The following ZFP64 variants were observed in gnomAD, a reference collection of about 807,000 sequenced individuals.
The protein encoded by ZFP64 is zinc finger protein 64.
In ZFP64, 14 loss-of-function variants were observed where a neutral mutation model predicts 51.6. The observed-to-expected ratio is 0.27, with a 90% CI of 0.18 to 0.42. ZFP64 has a LOEUF of 0.42. ZFP64 is among the 10% of genes least tolerant of loss of function. The probability of loss-of-function intolerance (pLI) is 1.00; values close to 1 mark genes in which losing one functional copy is unlikely to be tolerated. For missense variants in ZFP64, 754 were observed against 906.8 expected (o/e 0.83, Z 2.16); for synonymous variants, 375 against 361.4 (o/e 1.04, Z -0.43).
Position 52,152,069 on chromosome 20 carries a change from G to A in ZFP64, c.*77C>T, listed in dbSNP as rs1308322620. 6.6e-7 allele frequency: 1 copy of A among 1,522,348 alleles called. No individual in the cohort carries two copies. The highest frequency in any genetic ancestry group is 8.8e-7 in the Non-Finnish European group (1 of 1,137,518). 94.3% of individuals were successfully genotyped at this position (1,522,348 alleles called of 1,614,324 possible). On this transcript the variant is annotated 3_prime_UTR_variant, in exon 6 of 6. Transcript: ENST00000216923. ...AAACAAAACAAAGAAAACATTAAGA[G>A]CAAACCTTTTAGAGAATTCTACTTA...
intron 5 of ZFP64, among the ~76,000 whole-genome samples, chr20:52,159,482 A>G (rs775541244): frequency 3.3e-5 from 5 of 152,234 alleles, no homozygotes; most frequent in African/African-American, 4.8e-5. Context: ...AGAGATATAC[A>G]TATGTATAAA....
At chr20:52,140,016 T>C (rs1454963532) in intron 5 of ZFP64, among the ~76,000 whole-genome samples, 1 of 152,100 alleles carries the variant, frequency 6.6e-6, no homozygotes, top group East Asian at 1.9e-4. Context: ...TATGGTGATC[T>C]GTGATTGGTG....
chr20:52,104,663 C>T (rs1399392169), intron 5 of ZFP64: 1 of 471,952 alleles, frequency 2.1e-6, no homozygotes, highest in Admixed American at 2.3e-5. Context: ...CTGCACAGCT[C>T]GCTCCCTCCC....
intron 5 of ZFP64, among the ~76,000 whole-genome samples, chr20:52,129,448 C>T (rs541288430): frequency 2.6e-4 from 40 of 152,032 alleles, no homozygotes; most frequent in Non-Finnish European, 5.3e-4. Flanking sequence ...TGTGAGCCAC[C>T]GTACCCAGCC....
At chr20:52,111,154 A>C in intron 5 of ZFP64, 1 of 608,304 alleles carries the variant, frequency 1.6e-6, no homozygotes, top group Admixed American at 2.4e-5. Flanking sequence ...CGCGACGGGG[A>C]GGTGGGGAAG....
chr20:52,144,246 C>T, intron 5 of ZFP64, among the ~76,000 whole-genome samples: 1 of 141,804 alleles, frequency 7.1e-6, no homozygotes, highest in East Asian at 2.4e-4. Flanking sequence ...ATTAGAATAA[C>T]AAAATAAAAT....
chr20:52,107,067 A>G (rs1024820971), intron 5 of ZFP64, among the ~76,000 whole-genome samples: 4 of 152,040 alleles, frequency 2.6e-5, no homozygotes, highest in African/African-American at 9.7e-5. Flanking sequence ...AGCCTGGGCG[A>G]CAGAGTGAGA....
chr20:52,087,781 T>C (rs1488295821), intron 8 of ZFP64, among the ~76,000 whole-genome samples: 1 of 152,222 alleles, frequency 6.6e-6, no homozygotes, highest in Non-Finnish European at 1.5e-5. Flanking sequence ...GCTGGAAACT[T>C]TGGCTTCCAA....
At chr20:52,114,154 AT>A (rs542450841) in intron 5 of ZFP64, among the ~76,000 whole-genome samples, 6 of 152,348 alleles carry the variant, frequency 3.9e-5, no homozygotes, top group African/African-American at 9.6e-5. Flanking sequence ...TTGAAAAAAA[AT>A]ATTCAAGGTC....
intron 5 of ZFP64, chr20:52,104,884 C>T (rs545215549): frequency 1.5e-5 from 10 of 672,354 alleles, no homozygotes; most frequent in African/African-American, 5.3e-5. Flanking sequence ...GGGAGGCAAA[C>T]TCGTTGACTA....
intron 5 of ZFP64, among the ~76,000 whole-genome samples, chr20:52,138,476 TG>T (rs1018023958): frequency 3.4e-5 from 5 of 146,576 alleles, no homozygotes; most frequent in African/African-American, 1.3e-4. Context: ...ACCAGGCAAA[TG>T]AAAAAAAAAT....
chr20:52,104,846 G>A (rs772851592), intron 5 of ZFP64: 2 of 650,766 alleles, frequency 3.1e-6, no homozygotes, highest in African/African-American at 1.8e-5. Flanking sequence ...CCTCTGAGGG[G>A]TCCTCTGAGC....
intron 5 of ZFP64, among the ~76,000 whole-genome samples, chr20:52,119,176 A>G (rs568392004): frequency 5.9e-5 from 9 of 152,074 alleles, no homozygotes; most frequent in African/African-American, 2.2e-4. Flanking sequence ...AAAGCAAAAA[A>G]GAAGTGAGTT....
intron 2 of ZFP64, among the ~76,000 whole-genome samples, chr20:52,174,549 T>A (rs1983028148): frequency 6.6e-6 from 1 of 151,932 alleles, no homozygotes; most frequent in Non-Finnish European, 1.5e-5. Flanking sequence ...TTAAATCATT[T>A]AATATATATT....
chr20:52,133,841 C>T (rs181828743), intron 5 of ZFP64, among the ~76,000 whole-genome samples: 6 of 151,960 alleles, frequency 3.9e-5, no homozygotes, highest in Middle Eastern at 6.8e-3. Flanking sequence ...CCAGCCTGGG[C>T]AACATTGTAA....
chr20:52,119,259 G>A (rs141458045), intron 5 of ZFP64, among the ~76,000 whole-genome samples: 3 of 151,992 alleles, frequency 2.0e-5, no homozygotes, highest in African/African-American at 7.2e-5. Context: ...GTTCACGCCT[G>A]TAATCCCAGC....
At chr20:52,094,033 T>C (rs1281695811) in intron 7 of ZFP64, among the ~76,000 whole-genome samples, 1 of 152,016 alleles carries the variant, frequency 6.6e-6, no homozygotes, top group Non-Finnish European at 1.5e-5. Flanking sequence ...TTGCCAGGAG[T>C]GCATAGCACA....
chr20:52,109,166 T>C (rs1037170195), intron 5 of ZFP64, among the ~76,000 whole-genome samples: 1 of 151,756 alleles, frequency 6.6e-6, no homozygotes, highest in Admixed American at 6.6e-5. Context: ...TTTTTTTTTC[T>C]TTGAGACGGA....
chr20:52,097,239 G>T, intron 7 of ZFP64: 1 of 1,074,138 alleles, frequency 9.3e-7, no homozygotes, highest in Non-Finnish European at 1.4e-6. Context: ...CTTCTCCCAA[G>T]CCCACCCCAC....
Sources: gnomAD v4.1 joint callset for allele counts (sites outside exome capture counted in the v4.1 genomes callset) on GRCh38, gnomAD v4.1.1 for gene constraint, MANE v1.5 for transcripts, NCBI Gene and HGNC (gene_info 2026-07-23, HGNC 2026-07-21) for gene names.